ADGRA1: variants seen among roughly 807,000 people sequenced by gnomAD.
The protein encoded by ADGRA1 is G-protein coupled receptor 123.
A neutral mutation model predicts 21.3 loss-of-function variants in ADGRA1; 12 were observed. That is an observed-to-expected ratio of 0.56 (90% CI 0.36 to 0.91). The LOEUF is 0.91. Ranked by LOEUF, ADGRA1 falls within the 40% of genes least tolerant of loss-of-function variation. ADGRA1 has a pLI of 0.01. For missense variants in ADGRA1, 790 were observed against 805.6 expected (o/e 0.98, Z 0.23); for synonymous variants, 385 against 368.8 (o/e 1.04, Z -0.50).
intron 5 of ADGRA1, among the ~76,000 whole-genome samples, chr10:133,115,091 G>C (rs915556768): frequency 6.6e-6 from 1 of 152,196 alleles, no homozygotes; most frequent in African/African-American, 2.4e-5. Flanking sequence ...AGCCTGGGGG[G>C]CTTCATCGAG....
At position 133,102,861 on chromosome 10, in the gene ADGRA1, C is replaced by T; in HGVS notation, c.401+19C>T. On this transcript the variant is annotated intron_variant, in intron 5 of 6. Coordinates refer to ENST00000392607, the MANE Select transcript of ADGRA1 (RefSeq NM_001083909.3). The stretch of plus-strand genomic sequence containing the variant: ...TGCTCAGGTACTGAGTGCACATGGG[C>T]GCGAGGCCCCGCCACCTGGGCCCTG... 4 of 1,594,398 alleles carry T rather than the reference C, an allele frequency of 2.5e-6. No homozygotes were observed. The highest frequency in any genetic ancestry group is 1.7e-4 in the Middle Eastern group (1 of 5,962).
chr10:133,130,718 A>G lies in ADGRA1; in HGVS notation c.*1207A>G, dbSNP rs1852501726. On this transcript the variant is annotated 3_prime_UTR_variant, in exon 7 of 7. Coordinates refer to ENST00000392607, the MANE Select transcript of ADGRA1 (RefSeq NM_001083909.3). ...ACACAAACACATGTGCATATCACAC[A>G]CGCGCACACACCCAAACACGTGCAT... 1 of 152,060 alleles carries G rather than the reference A, an allele frequency of 6.6e-6. No homozygotes were observed. The highest frequency in any genetic ancestry group is 3.2e-3 in the Middle Eastern group (1 of 314). The allele number at this position is 152,060 out of a possible 1,614,324, so 9.4% of individuals were successfully genotyped here.
chr10:133,097,717 C>A (rs1235918795), intron 3 of ADGRA1, among the ~76,000 whole-genome samples: 2 of 152,180 alleles, frequency 1.3e-5, no homozygotes, highest in African/African-American at 2.4e-5. Context: ...AACACGGGGG[C>A]CTCGATGGTT....
In ADGRA1 at chr10:133,127,340, CG is replaced by C; in HGVS notation, c.500+12del. ...GACGAGGACACGGCGTAGTGAGTAC[CG>C]GGCACCCAGAACCGGGAGCTGGGAG... On this transcript the variant is annotated intron_variant, in intron 6 of 6. Coordinates refer to ENST00000392607, the MANE Select transcript of ADGRA1 (RefSeq NM_001083909.3). The C allele has an allele frequency of 6.3e-7, 1 of 1,580,730 alleles. No individual in the cohort carries two copies. The highest frequency in any genetic ancestry group is 2.4e-5 in the East Asian group (1 of 42,216).
At chr10:133,121,773 A>C (rs897444726) in intron 5 of ADGRA1, among the ~76,000 whole-genome samples, 3 of 94,118 alleles carry the variant, frequency 3.2e-5, no homozygotes, top group Non-Finnish European at 6.4e-5. Flanking sequence ...TGCAAGTGTG[A>C]GTGTGCGTGT....
chr10:133,121,944 A>T (rs1303669381), intron 5 of ADGRA1, among the ~76,000 whole-genome samples: 3 of 134,434 alleles, frequency 2.2e-5, no homozygotes, highest in East Asian at 2.3e-4. Context: ...TGTGTGTGTG[A>T]GTGTGCTTGT....
intron 5 of ADGRA1, among the ~76,000 whole-genome samples, chr10:133,112,035 G>C (rs68091826): frequency 0.31 from 6,446 of 20,574 alleles, 1,908 homozygotes; most frequent in African/African-American, 0.57. Context: ...CCCTCCTAAT[G>C]CCTCCAGACC....
chr10:133,089,111 C>G, intron 2 of ADGRA1, 199 bp downstream of exon 2: 10 of 1,007,234 alleles, frequency 9.9e-6, no homozygotes, highest in Non-Finnish European at 1.3e-5. Context: ...CCTCTGCTCC[C>G]CGCGTGCTGG....
intron 5 of ADGRA1, among the ~76,000 whole-genome samples, chr10:133,120,335 G>A (rs1316285532): frequency 1.3e-5 from 2 of 152,198 alleles, no homozygotes; most frequent in African/African-American, 4.8e-5. Context: ...AACCTGGGAG[G>A]TGGAGGTTGC....
At chr10:133,102,670 G>A in intron 4 of ADGRA1, 27 bp from the exon 5 acceptor site, 1 of 1,588,224 alleles carries the variant, frequency 6.3e-7, no homozygotes, top group South Asian at 1.1e-5. Flanking sequence ...CCCGCCAAGG[G>A]CCTGGCTGAC....
In ADGRA1 at chr10:133,088,920, C is replaced by T; in HGVS notation, c.3+8C>T. 7 of 1,241,096 alleles carry T rather than the reference C, an allele frequency of 5.6e-6. No individual in the cohort carries two copies. Among genetic ancestry groups the T allele is most frequent in the Non-Finnish European group, 7.1e-6 (7 of 990,238 alleles). The allele number at this position is 1,241,096 out of a possible 1,614,324, so 76.9% of individuals were successfully genotyped here. A position where few individuals can be genotyped will look rare whatever the true frequency, so the allele number is the denominator to read the frequency against. On this transcript the variant is annotated splice_region_variant and intron_variant, in intron 2 of 6. Coordinates refer to ENST00000392607, the MANE Select transcript of ADGRA1 (RefSeq NM_001083909.3). ...AACTTTGCAGCGCTCATGGTGAGTA[C>T]GGGGGTCCCGGGGGTCCTGCAGCTG...
chr10:133,113,786 G>A (rs1333107291), intron 5 of ADGRA1, among the ~76,000 whole-genome samples: 6 of 152,232 alleles, frequency 3.9e-5, no homozygotes. Context: ...GCTTTGTGCG[G>A]GGAAAACCCT....
intron 5 of ADGRA1, among the ~76,000 whole-genome samples, chr10:133,120,000 G>A (rs1464791567): frequency 6.6e-6 from 1 of 152,234 alleles, no homozygotes; most frequent in Non-Finnish European, 1.5e-5. Context: ...CCCCTAGCAA[G>A]AGAGTCAGCC....
At chr10:133,106,906 G>A (rs762260309) in intron 5 of ADGRA1, among the ~76,000 whole-genome samples, 45 of 152,266 alleles carry the variant, frequency 3.0e-4, no homozygotes, top group Non-Finnish European at 5.1e-4. Context: ...CTGGAGTCAC[G>A]ATTGCATCTG....
intron 4 of ADGRA1, 127 bp downstream of exon 4, chr10:133,098,890 T>A: frequency 7.8e-7 from 1 of 1,284,372 alleles, no homozygotes; most frequent in South Asian, 1.4e-5. Flanking sequence ...CCCTGGCACA[T>A]CGGTGTCTCG....
At chr10:133,117,210 C>T (rs1852175625) in intron 5 of ADGRA1, among the ~76,000 whole-genome samples, 1 of 152,234 alleles carries the variant, frequency 6.6e-6, no homozygotes, top group African/African-American at 2.4e-5. Flanking sequence ...TGCTGGCCAC[C>T]TGTCTGTGAG....
At chr10:133,127,949 T>G (rs1321967085) in intron 6 of ADGRA1, among the ~76,000 whole-genome samples, 13 of 99,336 alleles carry the variant, frequency 1.3e-4, no homozygotes, top group Non-Finnish European at 2.7e-4. Flanking sequence ...CCCATCCAGC[T>G]CTGCCCTCTG....
chr10:133,122,773 C>G (rs1020014832), intron 5 of ADGRA1, among the ~76,000 whole-genome samples: 13 of 151,424 alleles, frequency 8.6e-5, no homozygotes, highest in Non-Finnish European at 1.3e-4. Context: ...GCCCTGGGGC[C>G]TCCTTGTCTT....
At chr10:133,108,336 G>T (rs1851928932) in intron 5 of ADGRA1, among the ~76,000 whole-genome samples, 1 of 152,248 alleles carries the variant, frequency 6.6e-6, no homozygotes, top group Non-Finnish European at 1.5e-5. Flanking sequence ...AGCCTTGTAG[G>T]GGAGAGTTTA....
Sources: allele counts gnomAD v4.1 joint callset (sites outside exome capture counted in the v4.1 genomes callset), GRCh38; gene constraint gnomAD v4.1.1; transcripts MANE v1.5; gene names NCBI Gene and HGNC (gene_info 2026-07-23, HGNC 2026-07-21).